Variants in CSMD3 observed in about 807,000 individuals in gnomAD.
CSMD3 encodes the protein CUB and sushi domain-containing protein 3.
A neutral mutation model predicts 435.2 loss-of-function variants in CSMD3; 177 were observed. The ratio of observed to expected loss-of-function variants is 0.41; its 90% CI spans 0.36 to 0.46. The LOEUF (loss-of-function observed/expected upper bound fraction) is 0.46. Ranked by LOEUF, CSMD3 falls within the 20% of genes least tolerant of loss-of-function variation. CSMD3 has a pLI of 0.34. For synonymous variants in CSMD3, 1,656 were observed against 1,520.5 expected, an observed-to-expected ratio of 1.09 and a Z score of -2.07; for missense variants, 4,265 against 4,504.6, an observed-to-expected ratio of 0.95 and a Z score of 1.52.
rs985365729 is a variant in CSMD3 at position 113,019,141 on chromosome 8, T to C, written c.956A>G (p.Asn319Ser). 5.0e-6 allele frequency: 8 copies of C among 1,613,452 alleles called. No homozygotes were observed. Among genetic ancestry groups the C allele is most frequent in the Non-Finnish European group, 6.8e-6 (8 of 1,179,562 alleles). The change falls in exon 6 of 71, where the codon AAC becomes AGC. Residue 319 changes from asparagine to serine, a missense_variant. By Grantham distance (46) the Asn-to-Ser change is conservative. Around this residue, in one of 3 missense-constraint regions of CSMD3, gnomAD observed 731 missense variants for 755.4 expected, o/e 0.97. Coordinates refer to ENST00000297405, the MANE Select transcript of CSMD3 (RefSeq NM_198123.2). ...AAAATGCAGTCTGAGCCAGTTTTTG[T>C]TGCTGATAATTGGTGGTGGTATATT... ...GMNIPPPIIS[N>S]KNWLRLHFVT...
chr8:113,014,681 C>T (rs1395931080), intron 6 of CSMD3, among the ~76,000 whole-genome samples: 1 of 152,006 alleles, frequency 6.6e-6, no homozygotes, highest in African/African-American at 2.4e-5. Flanking sequence ...GCTTAACTAC[C>T]CCCAAGGGAA....
intron 36 of CSMD3, among the ~76,000 whole-genome samples, chr8:112,384,684 G>A (rs140917965): frequency 6.6e-6 from 1 of 152,196 alleles, no homozygotes; most frequent in African/African-American, 2.4e-5. Flanking sequence ...CCATGCAAGT[G>A]AATGCTGGTG....
intron 32 of CSMD3, among the ~76,000 whole-genome samples, chr8:112,466,550 T>C (rs550820056): frequency 2.0e-5 from 3 of 152,172 alleles, no homozygotes; most frequent in Non-Finnish European, 4.4e-5. Flanking sequence ...AAGTCAAAAC[T>C]ACATTAGCAT....
chr8:112,320,779 A>C (rs1822924486), intron 45 of CSMD3, among the ~76,000 whole-genome samples: 1 of 152,050 alleles, frequency 6.6e-6, no homozygotes, highest in African/African-American at 2.4e-5. Context: ...AGAGTTAAAA[A>C]TTTGCCCAAA....
intron 27 of CSMD3, among the ~76,000 whole-genome samples, chr8:112,527,551 TA>T (rs1825099246): frequency 6.6e-6 from 1 of 151,972 alleles, no homozygotes; most frequent in South Asian, 2.1e-4. Context: ...ATTGAATAAT[TA>T]ACACTATCAA....
At chr8:113,127,018 C>T (rs1227440032) in intron 4 of CSMD3, among the ~76,000 whole-genome samples, 1 of 151,990 alleles carries the variant, frequency 6.6e-6, no homozygotes, top group Admixed American at 6.6e-5. Flanking sequence ...CTTTCCCACA[C>T]CAGGTGACAA....
chr8:112,438,790 A>G (rs1475423629), intron 32 of CSMD3, among the ~76,000 whole-genome samples: 1 of 152,240 alleles, frequency 6.6e-6, no homozygotes, highest in Non-Finnish European at 1.5e-5. Context: ...TTGGTTAAAT[A>G]AATGAAAAAA....
rs1375401959 is a variant in CSMD3, at chr8:112,532,500, T to C, written c.4565-15275A>G. 2.0e-5 allele frequency among the ~76,000 whole-genome samples: 3 copies of C among 152,098 alleles called. No homozygotes were observed. The East Asian group carries it at 5.8e-4, about 29-fold the overall frequency. ...CAAATAACATATCAATGAGCTATGA[T>C]ACATTTGGCAGTAGACTTCTCAGCA... On this transcript the variant is annotated intron_variant, in intron 27 of 70. Transcript: ENST00000297405.
intron 27 of CSMD3, among the ~76,000 whole-genome samples, chr8:112,541,138 G>A (rs181734700): frequency 6.6e-6 from 1 of 151,820 alleles, no homozygotes; most frequent in African/African-American, 2.4e-5. Flanking sequence ...AGAAAAAACA[G>A]GACTATGTAA....
intron 13 of CSMD3, among the ~76,000 whole-genome samples, chr8:112,694,640 G>A (rs1000362758): frequency 1.7e-4 from 26 of 152,004 alleles, no homozygotes; most frequent in African/African-American, 6.3e-4. Context: ...CATGCACCTA[G>A]TATGTAACAC....
At chr8:112,601,736 T>G (rs1422812723) in intron 22 of CSMD3, among the ~76,000 whole-genome samples, 1 of 152,026 alleles carries the variant, frequency 6.6e-6, no homozygotes, top group Non-Finnish European at 1.5e-5. Flanking sequence ...TTCCTGGTAT[T>G]GGGGAAAAAG....
In CSMD3 at chr8:113,427,820, AGCT is replaced by A. The variant is rs1034008108; in HGVS notation, c.178+8854_178+8856del. The stretch of plus-strand genomic sequence containing the variant: ...CTTCCATATCCTTTAAATTCTGTAG[AGCT>A]GAGTGGAAGGTTAAGATACCAAGTA... On this transcript the variant is annotated intron_variant, in intron 1 of 70. Transcript: ENST00000297405. 1.7e-4 allele frequency among the ~76,000 whole-genome samples: 26 copies of A among 151,788 alleles called. 1 individual carries two copies. Among genetic ancestry groups the A allele is most frequent in the Middle Eastern group, 3.4e-3 (1 of 294 alleles).
intron 5 of CSMD3, among the ~76,000 whole-genome samples, chr8:113,054,939 C>A (rs929630194): frequency 6.6e-6 from 1 of 152,098 alleles, no homozygotes; most frequent in Admixed American, 6.6e-5. Context: ...CTTACATAAC[C>A]TATTCTGTAA....
At chr8:112,480,982 T>A (rs56368923) in intron 31 of CSMD3, among the ~76,000 whole-genome samples, 2,644 of 152,282 alleles carry the variant, frequency 0.017, 79 homozygotes, top group African/African-American at 0.06. Context: ...TTCATTTGAT[T>A]TGTATAAGTA....
intron 1 of CSMD3, among the ~76,000 whole-genome samples, chr8:113,392,943 C>CTATA: frequency 6.8e-6 from 1 of 147,304 alleles, no homozygotes; most frequent in African/African-American, 2.5e-5. Flanking sequence ...CTGCATGTGT[C>CTATA]TATATATATA....
chr8:113,090,985 A>G (rs2131509426), intron 5 of CSMD3, among the ~76,000 whole-genome samples: 1 of 152,218 alleles, frequency 6.6e-6, no homozygotes, highest in East Asian at 1.9e-4. Context: ...AAAAAAATAC[A>G]TAGAGAGAGT....
At chr8:112,377,295 A>C (rs1326178162) in intron 38 of CSMD3, among the ~76,000 whole-genome samples, 4 of 152,248 alleles carry the variant, frequency 2.6e-5, no homozygotes, top group Admixed American at 2.0e-4. Context: ...ACCAAGACTA[A>C]ATTTTAAGGA....
At chr8:113,148,706 A>G (rs2091735069) in intron 4 of CSMD3, among the ~76,000 whole-genome samples, 1 of 151,702 alleles carries the variant, frequency 6.6e-6, no homozygotes, top group African/African-American at 2.4e-5. Flanking sequence ...AAACACCTGT[A>G]AAACAAAACC....
intron 4 of CSMD3, among the ~76,000 whole-genome samples, chr8:113,109,006 T>G (rs2090562286): frequency 6.6e-6 from 1 of 152,040 alleles, no homozygotes; most frequent in Admixed American, 6.5e-5. Context: ...AATATACAGC[T>G]GAAAAACAAC....
Sources: gnomAD v4.1 joint callset for allele counts (sites outside exome capture counted in the v4.1 genomes callset) on GRCh38, gnomAD v4.1.1 for gene constraint, gnomAD v4.1.1 regional missense constraint, MANE v1.5 for transcripts, NCBI Gene and HGNC (gene_info 2026-07-23, HGNC 2026-07-21) for gene names.